SCMH1: variants seen among roughly 807,000 people sequenced by gnomAD.
The protein encoded by SCMH1 is polycomb protein SCMH1.
SCMH1 carries 37 observed loss-of-function variants against 70.8 expected under a neutral mutation model. The ratio of observed to expected loss-of-function variants is 0.52; its 90% confidence interval spans 0.40 to 0.69. SCMH1 has a LOEUF of 0.69. SCMH1 is among the 30% of genes least tolerant of loss of function. The pLI, the probability that SCMH1 is intolerant of heterozygous loss-of-function variation, is 0.00. For missense variants in SCMH1, 607 were observed against 827.3 expected, an observed-to-expected ratio of 0.73 and a Z score of 3.27; for synonymous variants, 292 against 307.4, an observed-to-expected ratio of 0.95 and a Z score of 0.52.
chr1:41,113,005 G>C lies in SCMH1; in HGVS notation c.745+278C>G, dbSNP rs1378170839. Among the ~76,000 whole-genome samples the C allele has an allele frequency of 6.6e-6, 1 of 152,224 alleles. No homozygotes were observed. The highest frequency in any genetic ancestry group is 2.4e-5 in the African/African-American group (1 of 41,456). ...TGTAATGGGTTAGGGACAAAAGTAA[G>C]AGAGATGAAAAGCTGGTTGCCTGAG... On this transcript the variant is annotated intron_variant, in intron 8 of 14. Coordinates refer to ENST00000337495, the Ensembl canonical transcript of SCMH1. This position sits in a 1 kb window ranked among gnomAD's most constrained non-coding sequence, Gnocchi z 4.3.
intron 8 of SCMH1, among the ~76,000 whole-genome samples, chr1:41,087,964 G>GTGTGTGTGTGTGTGTGTGTGTA (rs1323139587): frequency 2.0e-5 from 3 of 151,066 alleles, no homozygotes; most frequent in Non-Finnish European, 4.4e-5. Context: ...GTGTGTGTGT[G>GTGTGTGTGTGTGTGTGTGTGTA]TATTTATTTA....
chr1:41,226,825 T>C (rs1660354171), intron 1 of SCMH1, among the ~76,000 whole-genome samples: 1 of 152,228 alleles, frequency 6.6e-6, no homozygotes, highest in Non-Finnish European at 1.5e-5. Flanking sequence ...GAGATTATTT[T>C]GAATAGATTC....
upstream of SCMH1, chr1:41,242,227 G>A (rs1165867612): frequency 1.4e-5 from 2 of 145,240 alleles, no homozygotes; most frequent in African/African-American, 5.0e-5. This position sits in a 1 kb window ranked among gnomAD's most constrained non-coding sequence, Gnocchi z 5.2. Context: ...TGAGGCGGGG[G>A]GCGGGGCGGG....
intron 7 of SCMH1, among the ~76,000 whole-genome samples, chr1:41,114,591 C>A (rs35318873): frequency 0.078 from 11,869 of 151,882 alleles, 594 homozygotes; most frequent in South Asian, 0.13. Context: ...GTGGAAATAA[C>A]CTTTATTATA....
chr1:41,242,156 G>C (rs1663734271), upstream of SCMH1: 1 of 147,540 alleles, frequency 6.8e-6, no homozygotes, highest in Non-Finnish European at 1.5e-5. The surrounding 1 kb of genome is among the most constrained non-coding windows in gnomAD (Gnocchi z 5.2). Flanking sequence ...GGGGGCGGGC[G>C]GGCGGCTCGG....
At chr1:41,152,557 T>C in intron 4 of SCMH1, 1 of 1,604,450 alleles carries the variant, frequency 6.2e-7, no homozygotes. Context: ...AAGTTCTTTA[T>C]TTAAAGGTTA....
intron 2 of SCMH1, among the ~76,000 whole-genome samples, chr1:41,170,144 C>G (rs1646690659): frequency 6.6e-6 from 1 of 152,160 alleles, no homozygotes; most frequent in Non-Finnish European, 1.5e-5. Context: ...CTTAAATGCC[C>G]ATATCTAACT....
At chr1:41,165,971 TATAGTTTCAGTTTC>T (rs1646384621) in intron 2 of SCMH1, among the ~76,000 whole-genome samples, 1 of 152,128 alleles carries the variant, frequency 6.6e-6, no homozygotes, top group Admixed American at 6.5e-5. Context: ...CTAGCAGTTT[TATAGTTTCAGTTTC>T]ATAGTTTCAA....
chr1:41,110,309 A>T (rs1334022440), intron 8 of SCMH1, among the ~76,000 whole-genome samples: 1 of 152,244 alleles, frequency 6.6e-6, no homozygotes, highest in Non-Finnish European at 1.5e-5. Flanking sequence ...TTTAGATAAT[A>T]GCTTTATTGA....
intron 2 of SCMH1, chr1:41,162,872 T>A (rs1283678614): frequency 6.6e-6 from 1 of 152,298 alleles, no homozygotes; most frequent in Non-Finnish European, 1.5e-5. Context: ...CATTGCTCAA[T>A]ACAGCACCTC....
At chr1:41,070,847 T>C (rs1170566992) in intron 9 of SCMH1, 126 bp from the exon 10 acceptor site, 2 of 1,169,336 alleles carry the variant, frequency 1.7e-6, no homozygotes, top group Non-Finnish European at 2.4e-6. Flanking sequence ...ATCTTTGTTC[T>C]CTACACAGCA....
At chr1:41,181,528 A>T (rs1249906953) in intron 2 of SCMH1, among the ~76,000 whole-genome samples, 1 of 152,220 alleles carries the variant, frequency 6.6e-6, no homozygotes, top group Admixed American at 6.5e-5. Context: ...CCCATCAAAA[A>T]GTGGGCCAAG....
At chr1:41,146,200 CAA>C (rs1469879413) in intron 5 of SCMH1, among the ~76,000 whole-genome samples, 1 of 139,758 alleles carries the variant, frequency 7.2e-6, no homozygotes, top group Admixed American at 7.1e-5. Flanking sequence ...AGTTTTTTAA[CAA>C]AAAGAGTTTA....
chr1:41,161,359 CT>C lies in SCMH1; in HGVS notation c.82+4del. The stretch of plus-strand genomic sequence containing the variant: ...CCACACCAAACGGAGTTTTTTCCCC[CT>C]TACCTTGATATTGGGATGCAGACTC... On this transcript the variant is annotated splice_donor_region_variant and intron_variant, in intron 3 of 14. Coordinates refer to ENST00000337495, the Ensembl canonical transcript of SCMH1. 1.9e-6 allele frequency: 3 copies of C among 1,549,354 alleles called. No individual in the cohort carries two copies. Among genetic ancestry groups the C allele is most frequent in the Non-Finnish European group, 2.6e-6 (3 of 1,146,662 alleles).
chr1:41,108,718 G>A (rs961337941), intron 8 of SCMH1, among the ~76,000 whole-genome samples: 19 of 152,240 alleles, frequency 1.2e-4, no homozygotes, highest in Middle Eastern at 3.4e-3. Flanking sequence ...ACTTCAAAAA[G>A]GCAGAGATAG....
At chr1:41,083,456 C>A (rs370446449) in intron 8 of SCMH1, among the ~76,000 whole-genome samples, 1 of 152,128 alleles carries the variant, frequency 6.6e-6, no homozygotes, top group African/African-American at 2.4e-5. Context: ...CTACAAACCA[C>A]TGCTCAATGA....
At chr1:41,053,831 GT>G (rs1242821497) in intron 10 of SCMH1, among the ~76,000 whole-genome samples, 2 of 148,330 alleles carry the variant, frequency 1.3e-5, no homozygotes, top group Admixed American at 1.3e-4. Flanking sequence ...AAGCCTAAAG[GT>G]TTTTTTTTTG....
chr1:41,207,045 A>G (rs1021986191), intron 1 of SCMH1, among the ~76,000 whole-genome samples: 3 of 152,236 alleles, frequency 2.0e-5, no homozygotes, highest in Non-Finnish European at 2.9e-5. Flanking sequence ...AGAAAGCACT[A>G]AACATTGAAA....
At chr1:41,072,211 G>T (rs1464451918) in intron 9 of SCMH1, among the ~76,000 whole-genome samples, 1 of 152,176 alleles carries the variant, frequency 6.6e-6, no homozygotes, top group Non-Finnish European at 1.5e-5. Context: ...ATCTGCTCAT[G>T]CTTTTTTACT....
Sources: allele counts gnomAD v4.1 joint callset (sites outside exome capture counted in the v4.1 genomes callset), GRCh38; gene constraint gnomAD v4.1.1; non-coding constraint Gnocchi (gnomAD v3.1); transcripts MANE v1.5; gene names NCBI Gene and HGNC (gene_info 2026-07-23, HGNC 2026-07-21).